RP1: variants seen among roughly 807,000 people sequenced by gnomAD.
RP1 encodes oxygen-regulated protein 1.
In RP1, 16 loss-of-function variants were observed where a neutral mutation model predicts 14.8. The ratio of observed to expected loss-of-function variants is 1.08; its 90% CI spans 0.73 to 1.65. RP1 has a LOEUF of 1.65. RP1 is among the 40% of genes most tolerant of loss of function. The probability of loss-of-function intolerance (pLI) is 0.00; values close to 1 mark genes in which losing one functional copy is unlikely to be tolerated. For synonymous variants in RP1, 876 were observed against 883.6 expected (o/e 0.99, Z 0.15); for missense variants, 2,631 against 2,535.0 (o/e 1.04, Z -0.81).
At chr8:54,574,163 C>A (rs192802943) in intron 1 of RP1, among the ~76,000 whole-genome samples, 127 of 152,300 alleles carry the variant, frequency 8.3e-4, no homozygotes, top group African/African-American at 2.7e-3. Flanking sequence ...GTCTGAGGCA[C>A]TACAGGGCAC....
intron 24 of RP1, among the ~76,000 whole-genome samples, chr8:54,814,687 T>G (rs756996914): frequency 3.9e-5 from 6 of 152,254 alleles, no homozygotes; most frequent in Non-Finnish European, 7.3e-5. Context: ...GTTTACTCTG[T>G]TAAGTTGACA....
intron 12 of RP1, among the ~76,000 whole-genome samples, chr8:54,681,486 G>C (rs1046013818): frequency 5.8e-5 from 4 of 68,570 alleles, no homozygotes; most frequent in Non-Finnish European, 1.1e-4. Flanking sequence ...TTTGATTTGT[G>C]TGTGTGTGTG....
At chr8:54,847,282 G>T (rs142402121) in intron 25 of RP1, among the ~76,000 whole-genome samples, 1 of 152,126 alleles carries the variant, frequency 6.6e-6, no homozygotes, top group Non-Finnish European at 1.5e-5. Context: ...GATTCTTTCA[G>T]TCTGTTTCAG....
At chr8:54,854,577 A>C (rs1445975072) in intron 26 of RP1, among the ~76,000 whole-genome samples, 1 of 152,180 alleles carries the variant, frequency 6.6e-6, no homozygotes, top group African/African-American at 2.4e-5. Context: ...AAAGTGTTTA[A>C]TTGTGGGCTG....
Position 54,583,979 on chromosome 8 carries a change from GT to G in RP1, c.-13+24665del, listed in dbSNP as rs934189963. 4.6e-5 allele frequency among the ~76,000 whole-genome samples: 7 copies of G among 152,074 alleles called. No individual in the cohort carries two copies. The East Asian group carries it at 1.2e-3, about 25-fold the overall frequency. On this transcript the variant is annotated intron_variant, in intron 1 of 22. Coordinates refer to the RP1 transcript ENST00000636932. ...CCTGGATTCATTGATTTTTTGAAGGGTTTTTTGTGTCTCTATTTCCTTCAGT... is the reference window on the plus strand; with the variant it reads ...CCTGGATTCATTGATTTTTTGAAGGGTTTTTGTGTCTCTATTTCCTTCAGT...
rs529608249 is a variant in RP1 at position 54,867,486 on chromosome 8, A to G, written c.4151+1570A>G. On this transcript the variant is annotated intron_variant, in intron 28 of 28. Coordinates refer to the RP1 transcript ENST00000637698. ...ACCAGATTTGGATTATAATGGCATT[A>G]CTTACTAGCTCTGGGAGCCTCAGTT... Among the ~76,000 whole-genome samples the G allele has an allele frequency of 4.6e-5, 7 of 152,298 alleles. No homozygotes were observed. The East Asian group carries it at 1.2e-3, about 25-fold the overall frequency.
At chr8:54,602,216 G>A (rs2129305263) in intron 1 of RP1, among the ~76,000 whole-genome samples, 1 of 152,212 alleles carries the variant, frequency 6.6e-6, no homozygotes, top group South Asian at 2.1e-4. Context: ...GCCCCAGTGT[G>A]TGATGTTCCC....
intron 24 of RP1, among the ~76,000 whole-genome samples, chr8:54,807,335 T>C (rs1810876689): frequency 6.6e-6 from 1 of 152,184 alleles, no homozygotes; most frequent in Admixed American, 6.5e-5. Context: ...GAAATTTTAT[T>C]TTCCTTTTTT....
At chr8:54,633,062 G>T (rs1375343039), downstream of RP1, among the ~76,000 whole-genome samples, 6 of 152,166 alleles carry the variant, frequency 3.9e-5, no homozygotes, top group Non-Finnish European at 8.8e-5. Context: ...ATGGATAAAG[G>T]CAATGCTTTA....
At chr8:54,799,318 A>G (rs1249228807) in intron 24 of RP1, among the ~76,000 whole-genome samples, 1 of 152,080 alleles carries the variant, frequency 6.6e-6, no homozygotes, top group East Asian at 1.9e-4. Flanking sequence ...TCTTTACCAA[A>G]TACCATAACA....
chr8:54,791,844 A>G (rs1360355935), intron 24 of RP1, among the ~76,000 whole-genome samples: 1 of 152,090 alleles, frequency 6.6e-6, no homozygotes, highest in Non-Finnish European at 1.5e-5. Context: ...AATGGCAAAG[A>G]TACGTTTTTA....
intron 1 of RP1, among the ~76,000 whole-genome samples, chr8:54,570,041 G>T (rs1804487584): frequency 6.6e-6 from 1 of 152,154 alleles, no homozygotes; most frequent in African/African-American, 2.4e-5. Flanking sequence ...GACACGGGAA[G>T]CTACATCACG....
chr8:54,670,278 C>T (rs3098298), intron 7 of RP1, among the ~76,000 whole-genome samples: 88,986 of 151,020 alleles, frequency 0.59, 27,340 homozygotes, highest in Middle Eastern at 0.78. Flanking sequence ...CAATGGTTTA[C>T]GGTGTTGGTC....
At chr8:54,607,329 G>A (rs558815506) in intron 1 of RP1, among the ~76,000 whole-genome samples, 23 of 152,266 alleles carry the variant, frequency 1.5e-4, no homozygotes, top group East Asian at 9.7e-4. Flanking sequence ...TGTTTGCCTG[G>A]GTATCCGCAG....
chr8:54,864,285 A>G (rs915126291), intron 27 of RP1, among the ~76,000 whole-genome samples: 2 of 152,186 alleles, frequency 1.3e-5, no homozygotes, highest in African/African-American at 4.8e-5. Flanking sequence ...AAACACAAAG[A>G]AAAAAATATT....
At chr8:54,586,029 G>A (rs55989098) in intron 1 of RP1, among the ~76,000 whole-genome samples, 369 of 152,258 alleles carry the variant, frequency 2.4e-3, no homozygotes, top group Non-Finnish European at 3.8e-3. Flanking sequence ...GCTTTGTTCC[G>A]TTGCAGGTGA....
chr8:54,629,683 G>A lies in RP1; in HGVS notation c.5801G>A (p.Gly1934Glu), dbSNP rs267601953. ...IIQPMNEEDR[G>E]FAYRKESDIE... ...CAACCCATGAATGAGGAAGACCGAG[G>A]ATTTGCATATCGCAAAGAATCTGAT... The change falls in exon 4 of 4, where the codon GGA becomes GAA. Residue 1934 changes from glycine to glutamate, a missense_variant. Transcript: ENST00000220676. 1.2e-6 allele frequency: 2 copies of A among 1,613,588 alleles called. No homozygotes were observed. Among genetic ancestry groups the A allele is most frequent in the East Asian group, 2.2e-5 (1 of 44,884 alleles).
intron 1 of RP1, among the ~76,000 whole-genome samples, chr8:54,582,004 T>C (rs138909396): frequency 0.2 from 30,422 of 152,066 alleles, 3,479 homozygotes; most frequent in East Asian, 0.36. Context: ...CTCTTTAGTT[T>C]AATTAGATCC....
intron 24 of RP1, among the ~76,000 whole-genome samples, chr8:54,812,888 T>A (rs1478109068): frequency 6.6e-6 from 1 of 152,212 alleles, no homozygotes; most frequent in East Asian, 1.9e-4. Context: ...CCTCTGAAGA[T>A]TCCAGCAGCT....
Sources: allele counts gnomAD v4.1 joint callset (sites outside exome capture counted in the v4.1 genomes callset), GRCh38; gene constraint gnomAD v4.1.1; transcripts MANE v1.5; gene names NCBI Gene and HGNC (gene_info 2026-07-23, HGNC 2026-07-21).